The following MALRD1 variants were observed in gnomAD, a reference collection of about 807,000 sequenced individuals.
MALRD1 encodes MAM and LDL receptor class A domain containing 1.
Under a neutral mutation model 242.1 loss-of-function variants are expected in MALRD1, and 247 were observed. The observed-to-expected ratio is 1.02, with a 90% confidence interval of 0.92 to 1.13. MALRD1 has a LOEUF of 1.13. MALRD1 is among the 50% of genes most tolerant of loss of function. MALRD1 has a pLI of 0.00. For missense variants in MALRD1, 2,989 were observed against 2,533.1 expected, an observed-to-expected ratio of 1.18 and a Z score of -3.86; for synonymous variants, 995 against 866.6, an observed-to-expected ratio of 1.15 and a Z score of -2.60.
intron 25 of MALRD1, among the ~76,000 whole-genome samples, chr10:19,349,595 T>G (rs1198725688): frequency 6.6e-6 from 1 of 152,164 alleles, no homozygotes; most frequent in Non-Finnish European, 1.5e-5. Flanking sequence ...TTTTATCAAG[T>G]ATAGTTTTTA....
At chr10:19,465,004 A>C (rs1836149177) in intron 29 of MALRD1, among the ~76,000 whole-genome samples, 1 of 134,538 alleles carries the variant, frequency 7.4e-6, no homozygotes, top group African/African-American at 2.8e-5. Context: ...TCTTGATTTG[A>C]TTCTCAGCTT....
chr10:19,127,175 G>C (rs965156895), intron 7 of MALRD1, among the ~76,000 whole-genome samples: 1 of 152,142 alleles, frequency 6.6e-6, no homozygotes, highest in African/African-American at 2.4e-5. Context: ...CATTTGGGTT[G>C]ATTCCATGTC....
rs564882880 is a variant in MALRD1 at position 19,094,298 on chromosome 10, G to A, written c.597+6113G>A. On this transcript the variant is annotated intron_variant, in intron 4 of 39. Transcript: ENST00000454679. ...GGTGTGGGATATAGTCTCGTGGTGC[G>A]CCGTTTTTTAAGCCGATCTGAAAAG... Among the ~76,000 whole-genome samples, 10 of 101,650 alleles carry A rather than the reference G, an allele frequency of 9.8e-5. 1 individual carries two copies. The highest frequency in any genetic ancestry group is 2.8e-4 in the East Asian group (1 of 3,630). 66.7% of individuals were successfully genotyped at this position (101,650 alleles called of 152,430 possible).
chr10:19,519,929 A>G (rs924250815), intron 31 of MALRD1, among the ~76,000 whole-genome samples: 10 of 152,202 alleles, frequency 6.6e-5, no homozygotes, highest in African/African-American at 2.4e-4. Flanking sequence ...CTCTTTTTAA[A>G]GGAATAACAT....
At chr10:19,278,386 T>G (rs1312377833) in intron 19 of MALRD1, among the ~76,000 whole-genome samples, 1 of 152,180 alleles carries the variant, frequency 6.6e-6, no homozygotes, top group Non-Finnish European at 1.5e-5. Context: ...TTCAATACAC[T>G]GTGAAATCTT....
chr10:19,682,506 A>G (rs1842415074), intron 36 of MALRD1, among the ~76,000 whole-genome samples: 1 of 152,170 alleles, frequency 6.6e-6, no homozygotes, highest in Non-Finnish European at 1.5e-5. Flanking sequence ...GCTCTTATGC[A>G]TGAATGGAGC....
chr10:19,172,440 A>G (rs1050043196), intron 13 of MALRD1, among the ~76,000 whole-genome samples: 1 of 151,790 alleles, frequency 6.6e-6, no homozygotes, highest in African/African-American at 2.4e-5. Context: ...CAAAATATAG[A>G]TGACCTAATA....
chr10:19,294,581 C>A (rs1453155790), intron 21 of MALRD1, among the ~76,000 whole-genome samples: 2 of 152,234 alleles, frequency 1.3e-5, no homozygotes, highest in African/African-American at 2.4e-5. Flanking sequence ...TAAAACCCAG[C>A]AGAAAGTTTT....
intron 5 of MALRD1, among the ~76,000 whole-genome samples, chr10:19,115,130 A>C (rs1225872349): frequency 6.6e-6 from 1 of 152,212 alleles, no homozygotes; most frequent in Non-Finnish European, 1.5e-5. Flanking sequence ...TCTATGTTCT[A>C]GGGCCTGCTG....
intron 29 of MALRD1, among the ~76,000 whole-genome samples, chr10:19,469,555 A>G (rs1325309869): frequency 6.6e-6 from 1 of 152,138 alleles, no homozygotes; most frequent in Non-Finnish European, 1.5e-5. Context: ...GTAATCATGG[A>G]TGAATATTCC....
chr10:19,335,184 T>A (rs878874530), intron 24 of MALRD1, among the ~76,000 whole-genome samples: 1 of 96,752 alleles, frequency 1.0e-5, no homozygotes, highest in Non-Finnish European at 2.1e-5. Context: ...CTTGTTCTGT[T>A]TTTTTTTGTT....
At chr10:19,245,210 A>G (rs560430983) in intron 18 of MALRD1, among the ~76,000 whole-genome samples, 2 of 152,340 alleles carry the variant, frequency 1.3e-5, no homozygotes, top group South Asian at 2.1e-4. Flanking sequence ...GAGATGCAGC[A>G]TTATTTTTAA....
chr10:19,658,488 A>G (rs1841277724), intron 36 of MALRD1, among the ~76,000 whole-genome samples: 1 of 152,016 alleles, frequency 6.6e-6, no homozygotes, highest in Admixed American at 6.6e-5. Flanking sequence ...GGTTAGGAAA[A>G]CACACCACAC....
chr10:19,049,494 C>T (rs764733468), intron 1 of MALRD1, among the ~76,000 whole-genome samples: 9 of 152,066 alleles, frequency 5.9e-5, no homozygotes, highest in Admixed American at 3.3e-4. Flanking sequence ...CAATAGCTTA[C>T]GTGTGAATTT....
At chr10:19,607,123 A>G (rs1328457492) in intron 34 of MALRD1, among the ~76,000 whole-genome samples, 1 of 152,190 alleles carries the variant, frequency 6.6e-6, no homozygotes. Flanking sequence ...TCTCTATGCT[A>G]TTGAAATGTT....
chr10:19,532,012 G>T lies in MALRD1; in HGVS notation c.5478+661G>T, dbSNP rs146370292. 1.4e-4 allele frequency among the ~76,000 whole-genome samples: 21 copies of T among 152,126 alleles called. No homozygotes were observed. In the East Asian group the frequency reaches 3.5e-3, roughly 25 times the overall value. ...TCCTGTTTTTTGAATAAATACAATT[G>T]GGATTTTTGTCTTTATATCAAATAT... On this transcript the variant is annotated intron_variant, in intron 32 of 39. Transcript: ENST00000454679.
chr10:19,155,209 C>T (rs1045347770), intron 12 of MALRD1, 37 bp downstream of exon 12: 156 of 1,155,398 alleles, frequency 1.4e-4, no homozygotes, highest in South Asian at 2.2e-4. Flanking sequence ...GGCCATTCTG[C>T]GGTTGTAAAT....
chr10:19,157,909 C>T (rs564213169), intron 12 of MALRD1, among the ~76,000 whole-genome samples: 7 of 152,224 alleles, frequency 4.6e-5, no homozygotes, highest in Admixed American at 4.6e-4. Context: ...GCATGGATTA[C>T]CTTGTACTTT....
chr10:19,573,389 G>C (rs1464164653), intron 33 of MALRD1, among the ~76,000 whole-genome samples: 1 of 152,168 alleles, frequency 6.6e-6, no homozygotes, highest in Non-Finnish European at 1.5e-5. Context: ...CTCTGAGCCA[G>C]GTGGTGGCAG....
Sources: allele counts gnomAD v4.1 joint callset (sites outside exome capture counted in the v4.1 genomes callset), GRCh38; gene constraint gnomAD v4.1.1; transcripts MANE v1.5; gene names NCBI Gene and HGNC (gene_info 2026-07-23, HGNC 2026-07-21).